Variants in TPST2 observed in about 807,000 individuals in gnomAD.
TPST2 encodes tyrosylprotein sulfotransferase 2.
A neutral mutation model predicts 27.8 loss-of-function variants in TPST2; 16 were observed. The observed-to-expected ratio is 0.58, with a 90% CI of 0.39 to 0.88. TPST2 has a LOEUF of 0.88. Ranked by LOEUF, TPST2 falls within the 40% of genes least tolerant of loss-of-function variation. The pLI is 0.00. For missense variants in TPST2, 464 were observed against 543.1 expected (o/e 0.85, Z 1.45); for synonymous variants, 229 against 231.7 (o/e 0.99, Z 0.10).
rs113508859 is a variant in TPST2 at position 26,534,551 on chromosome 22, G to A, written c.1041+1737C>T. On this transcript the variant is annotated intron_variant, in intron 4 of 6. Transcript: ENST00000338754. ...GTCAGGCTTTACTCCAGGAACGTCCGACCCATAGCCTGGGGCAAGCCAGGG... is the reference window on the plus strand; with the variant it reads ...GTCAGGCTTTACTCCAGGAACGTCCAACCCATAGCCTGGGGCAAGCCAGGG... 4.6e-3 allele frequency among the ~76,000 whole-genome samples: 707 copies of A among 152,292 alleles called. 3 individuals carry two copies. Among genetic ancestry groups the A allele is most frequent in the Admixed American group, 9.8e-3 (150 of 15,292 alleles).
At chr22:26,572,663 A>G (rs375867006) in intron 1 of TPST2, among the ~76,000 whole-genome samples, 3 of 152,246 alleles carry the variant, frequency 2.0e-5, no homozygotes, top group African/African-American at 7.2e-5. Flanking sequence ...TATGTCTCAC[A>G]GTCCCCTCTG....
At chr22:26,575,959 G>A (rs1240028516) in intron 1 of TPST2, among the ~76,000 whole-genome samples, 5 of 151,978 alleles carry the variant, frequency 3.3e-5, no homozygotes, top group East Asian at 1.9e-4. Context: ...TCGTGCCACC[G>A]CACTCCAGCC....
At chr22:26,583,703 G>C (rs1339727542) in intron 1 of TPST2, among the ~76,000 whole-genome samples, 1 of 152,086 alleles carries the variant, frequency 6.6e-6, no homozygotes, top group Non-Finnish European at 1.5e-5. Flanking sequence ...AGCTGGGCGT[G>C]GTGGCATGCG....
chr22:26,548,598 C>G (rs991715547), intron 1 of TPST2, among the ~76,000 whole-genome samples: 5 of 63,262 alleles, frequency 7.9e-5, no homozygotes, highest in Non-Finnish European at 1.2e-4. Flanking sequence ...AGGAAGCAAG[C>G]AAGCAAGCTC....
chr22:26,585,075 A>G (rs4822743), intron 1 of TPST2, among the ~76,000 whole-genome samples: 51,147 of 152,104 alleles, frequency 0.34, 9,054 homozygotes, highest in Admixed American at 0.43. Flanking sequence ...CCTGCATTCA[A>G]CAGATGAGAA....
At chr22:26,536,567 G>A in intron 3 of TPST2, 81 bp from the exon 4 acceptor site, 1 of 1,308,592 alleles carries the variant, frequency 7.6e-7, no homozygotes, top group African/African-American at 1.5e-5. Flanking sequence ...CCACTCTGGG[G>A]CAGCAGGAAA....
At chr22:26,572,746 C>T (rs916854532) in intron 1 of TPST2, among the ~76,000 whole-genome samples, 1 of 152,054 alleles carries the variant, frequency 6.6e-6, no homozygotes, top group Non-Finnish European at 1.5e-5. Flanking sequence ...TGAGTGCTCA[C>T]GGGCTGGGAG....
chr22:26,581,019 TACACACACACAC>T (rs10540036), intron 1 of TPST2, among the ~76,000 whole-genome samples: 51 of 120,242 alleles, frequency 4.2e-4, no homozygotes, highest in Middle Eastern at 4.9e-3. Context: ...TCAACATACA[TACACACACACAC>T]ACACACACAC....
intron 1 of TPST2, among the ~76,000 whole-genome samples, chr22:26,545,605 A>T (rs1926075284): frequency 6.6e-6 from 1 of 152,194 alleles, no homozygotes; most frequent in African/African-American, 2.4e-5. Flanking sequence ...ACAGACTCAC[A>T]TACTGAGTCT....
intron 1 of TPST2, among the ~76,000 whole-genome samples, chr22:26,558,270 CTGGGAT>C: frequency 6.6e-6 from 1 of 151,902 alleles, no homozygotes; most frequent in African/African-American, 2.4e-5. Flanking sequence ...TCCTGAGTAG[CTGGGAT>C]TACAGGCACT....
chr22:26,575,751 T>C (rs1277290003), intron 1 of TPST2, among the ~76,000 whole-genome samples: 7 of 152,212 alleles, frequency 4.6e-5, no homozygotes, highest in Admixed American at 4.6e-4. Context: ...ATCCCAGCAC[T>C]TTGGGAGGCC....
chr22:26,564,455 T>C (rs1041140666), intron 1 of TPST2, among the ~76,000 whole-genome samples: 3 of 152,158 alleles, frequency 2.0e-5, no homozygotes, highest in African/African-American at 4.8e-5. Context: ...TGCCCCGTCA[T>C]GAATAACAGG....
chr22:26,532,438 G>A (rs1403535081), intron 5 of TPST2, among the ~76,000 whole-genome samples: 10 of 152,116 alleles, frequency 6.6e-5, no homozygotes, highest in Non-Finnish European at 1.2e-4. Flanking sequence ...GTGCCACTAC[G>A]CCCGGATAAT....
chr22:26,561,162 G>C, intron 1 of TPST2: 2 of 1,601,656 alleles, frequency 1.2e-6, no homozygotes, highest in Non-Finnish European at 1.7e-6. Flanking sequence ...TGATGAATAA[G>C]TTGGTTCTAG....
At chr22:26,530,644 G>GAAAAAAAAAAAAAAAAAAAA (rs1925103515) in intron 5 of TPST2, among the ~76,000 whole-genome samples, 1 of 85,124 alleles carries the variant, frequency 1.2e-5, no homozygotes, top group African/African-American at 4.6e-5. Context: ...AAAAAAAAAG[G>GAAAAAAAAAAAAAAAAAAAA]AATCAGCAGG....
intron 1 of TPST2, among the ~76,000 whole-genome samples, chr22:26,551,351 G>A (rs563188725): frequency 2.0e-5 from 3 of 152,196 alleles, no homozygotes; most frequent in Admixed American, 6.5e-5. Context: ...TATATACCAG[G>A]CACTGAACTA....
intron 1 of TPST2, among the ~76,000 whole-genome samples, chr22:26,580,107 G>A (rs942661505): frequency 6.6e-6 from 1 of 151,788 alleles, no homozygotes; most frequent in Non-Finnish European, 1.5e-5. Context: ...AACCAGGTGT[G>A]GTGGTCTGTA....
chr22:26,575,926 G>A (rs1927816380), intron 1 of TPST2, among the ~76,000 whole-genome samples: 2 of 152,082 alleles, frequency 1.3e-5, no homozygotes, highest in African/African-American at 4.8e-5. Flanking sequence ...AACCTGGGAG[G>A]CGGAGGTTGC....
intron 1 of TPST2, among the ~76,000 whole-genome samples, chr22:26,551,365 G>A (rs548443616): frequency 2.6e-5 from 4 of 152,148 alleles, no homozygotes; most frequent in Admixed American, 2.6e-4. Context: ...TGAACTAAGG[G>A]TTTTACATAT....
Sources: allele counts gnomAD v4.1 joint callset (sites outside exome capture counted in the v4.1 genomes callset), GRCh38; gene constraint gnomAD v4.1.1; transcripts MANE v1.5; gene names NCBI Gene and HGNC (gene_info 2026-07-23, HGNC 2026-07-21).